APBB2: variants seen among roughly 807,000 people sequenced by gnomAD.
APBB2 encodes the protein amyloid beta precursor protein binding family B member 2.
In APBB2, 38 loss-of-function variants were observed where a neutral mutation model predicts 82.5. The observed-to-expected ratio is 0.46, with a 90% CI of 0.36 to 0.60. The LOEUF (loss-of-function observed/expected upper bound fraction) is 0.60, where lower values mean the gene tolerates loss of function less well. APBB2 is among the 20% of genes least tolerant of loss of function. APBB2 has a pLI of 0.00. For missense variants in APBB2, 772 were observed against 972.3 expected (o/e 0.79, Z 2.74); for synonymous variants, 341 against 368.2 (o/e 0.93, Z 0.85).
intron 16 of APBB2, chr4:40,822,264 CTG>C: frequency 3.5e-6 from 2 of 567,122 alleles, no homozygotes; most frequent in Non-Finnish European, 6.3e-6. Context: ...CTGAACTACA[CTG>C]CTGTCATGGG....
intron 12 of APBB2, among the ~76,000 whole-genome samples, chr4:40,879,091 C>T (rs1266349920): frequency 6.6e-6 from 1 of 152,004 alleles, no homozygotes; most frequent in African/African-American, 2.4e-5. Flanking sequence ...AACAAAGAAA[C>T]ATGAGACCCA....
intron 10 of APBB2, among the ~76,000 whole-genome samples, chr4:40,903,130 C>CA (rs201084362): frequency 0.011 from 1,702 of 152,010 alleles, 42 homozygotes; most frequent in African/African-American, 0.039. Flanking sequence ...GCTTAGGTGA[C>CA]AGAGCGATAC....
In APBB2 at chr4:41,021,651, A is replaced by G. The variant is rs764919082; in HGVS notation, c.20-7253T>C. ...GTCCGTTCAGTGCTCTGTAAAATGG[A>G]CCAATCAGCAGGACGTGGGTGGGGC... is the stretch of plus-strand genomic sequence containing the variant. On this transcript the variant is annotated intron_variant, in intron 5 of 17. Coordinates refer to ENST00000508593, the MANE Select transcript of APBB2 (RefSeq NM_004307.2). Among the ~76,000 whole-genome samples the G allele has an allele frequency of 1.2e-4, 18 of 152,144 alleles. 1 individual carries two copies. The highest frequency in any genetic ancestry group is 9.2e-4 in the Admixed American group (14 of 15,272).
intron 6 of APBB2, among the ~76,000 whole-genome samples, chr4:41,010,383 T>TA (rs144496519): frequency 1.3e-5 from 2 of 151,876 alleles, no homozygotes; most frequent in African/African-American, 2.4e-5. Context: ...TCTTAACATG[T>TA]AAAAAAAACT....
At chr4:40,955,576 G>A (rs80118540) in intron 6 of APBB2, among the ~76,000 whole-genome samples, 2 of 152,082 alleles carry the variant, frequency 1.3e-5, no homozygotes, top group Non-Finnish European at 2.9e-5. Flanking sequence ...TATTCTCGAC[G>A]GAGCTTAACG....
chr4:40,927,155 AC>A (rs34819461), intron 10 of APBB2, among the ~76,000 whole-genome samples: 36,524 of 152,080 alleles, frequency 0.24, 5,270 homozygotes, highest in East Asian at 0.51. Flanking sequence ...GGACGCTGAA[AC>A]CCAGAAAATT....
At chr4:40,911,085 A>G (rs751571831) in intron 10 of APBB2, among the ~76,000 whole-genome samples, 1 of 152,262 alleles carries the variant, frequency 6.6e-6, no homozygotes. Flanking sequence ...TCTAACATGG[A>G]AACGACAGAC....
At chr4:40,878,604 G>A (rs1445543357) in intron 12 of APBB2, among the ~76,000 whole-genome samples, 3 of 152,066 alleles carry the variant, frequency 2.0e-5, no homozygotes, top group African/African-American at 7.2e-5. Context: ...ACTTTCAAAT[G>A]TTTCTTCCTC....
intron 2 of APBB2, among the ~76,000 whole-genome samples, chr4:41,106,413 T>C (rs1345945982): frequency 6.6e-6 from 1 of 152,080 alleles, no homozygotes; most frequent in Non-Finnish European, 1.5e-5. Context: ...GGGAAATGGG[T>C]GGATGAACTT....
At chr4:41,194,404 C>T in intron 1 of APBB2, among the ~76,000 whole-genome samples, 5 of 152,160 alleles carry the variant, frequency 3.3e-5, no homozygotes, top group South Asian at 2.1e-4. Flanking sequence ...CATCTGGGGC[C>T]GGTCACAGTG....
At chr4:41,013,058 TAAAA>T (rs1449735859) in intron 6 of APBB2, among the ~76,000 whole-genome samples, 2 of 152,202 alleles carry the variant, frequency 1.3e-5, no homozygotes, top group East Asian at 3.8e-4. Context: ...TTAAGGCTAA[TAAAA>T]CACTCCTCAG....
At chr4:40,820,925 A>G (rs970118765) in intron 17 of APBB2, among the ~76,000 whole-genome samples, 5 of 151,826 alleles carry the variant, frequency 3.3e-5, no homozygotes, top group African/African-American at 1.2e-4. Context: ...CTGGAGTGCA[A>G]TGACGCGATC....
intron 12 of APBB2, among the ~76,000 whole-genome samples, chr4:40,844,519 A>G (rs1268320380): frequency 6.6e-6 from 1 of 152,182 alleles, no homozygotes; most frequent in African/African-American, 2.4e-5. Flanking sequence ...TCTCCCACGG[A>G]AGGACAGTCA....
rs1363477731 is a variant in APBB2, at chr4:40,832,506, CT to C, written c.1530-1930del. Among the ~76,000 whole-genome samples the C allele has an allele frequency of 6.6e-6, 1 of 152,196 alleles. No homozygotes were observed. The highest frequency in any genetic ancestry group is 1.5e-5 in the Non-Finnish European group (1 of 68,038). The stretch of plus-strand genomic sequence containing the variant: ...CAGTGTCCTCCATGCTAGAACCGGA[CT>C]CCCCCTGCCTCACGTGCCACACCCA... On this transcript the variant is annotated intron_variant, in intron 12 of 17. Transcript: ENST00000508593. The surrounding 1 kb of genome is among the most constrained non-coding windows in gnomAD (Gnocchi z 4.8).
Position 40,816,221 on chromosome 4 carries a change from A to G in APBB2, c.2151T>C (p.Ser717=). The G allele has an allele frequency of 1.9e-6, 3 of 1,614,212 alleles. No homozygotes were observed. The highest frequency in any genetic ancestry group is 2.5e-6 in the Non-Finnish European group (3 of 1,180,040). The change falls in exon 18 of 18, where the codon TCT becomes TCC. Residue 717 remains serine, a synonymous_variant. Transcript: ENST00000508593. ...YQKCLVARPP[S]QKVRPPPPPA... ...GCGGTGGAGGTGGTCGAACTTTCTG[A>G]GAAGGCGGCCTGGCTACCAAGCACT...
At chr4:41,097,252 A>C (rs1412357675) in intron 3 of APBB2, among the ~76,000 whole-genome samples, 1 of 152,226 alleles carries the variant, frequency 6.6e-6, no homozygotes, top group African/African-American at 2.4e-5. Context: ...AAAGCTTTAT[A>C]TACAGCACCT....
chr4:40,858,454 CAAAAAAAAA>C (rs34433911), intron 12 of APBB2, among the ~76,000 whole-genome samples: 1 of 57,740 alleles, frequency 1.7e-5, no homozygotes, highest in Non-Finnish European at 3.1e-5. Flanking sequence ...GAGTCCGTCT[CAAAAAAAAA>C]AAAAAAAAAA....
intron 4 of APBB2, among the ~76,000 whole-genome samples, chr4:41,035,910 G>A (rs945490185): frequency 1.3e-5 from 2 of 152,158 alleles, no homozygotes; most frequent in Admixed American, 6.5e-5. Flanking sequence ...AGCGGCTCAT[G>A]CACACTGGGA....
At chr4:41,077,202 G>A (rs1158200790) in intron 3 of APBB2, among the ~76,000 whole-genome samples, 3 of 135,046 alleles carry the variant, frequency 2.2e-5, no homozygotes, top group Admixed American at 7.8e-5. Flanking sequence ...GAAGAGATAA[G>A]GACTCACTAT....
Sources: gnomAD v4.1 joint callset for allele counts (sites outside exome capture counted in the v4.1 genomes callset) on GRCh38, gnomAD v4.1.1 for gene constraint, Gnocchi (gnomAD v3.1) non-coding constraint, MANE v1.5 for transcripts, NCBI Gene and HGNC (gene_info 2026-07-23, HGNC 2026-07-21) for gene names.